GRIK1: variants seen among roughly 807,000 people sequenced by gnomAD.
GRIK1 encodes glutamate receptor ionotropic, kainate 1.
In GRIK1, 69 loss-of-function variants were observed where a neutral mutation model predicts 105.7. The ratio of observed to expected loss-of-function variants is 0.65; its 90% confidence interval spans 0.54 to 0.80. The LOEUF (loss-of-function observed/expected upper bound fraction) is 0.80, where lower values mean the gene tolerates loss of function less well. GRIK1 is among the 30% of genes least tolerant of loss of function. The pLI is 0.00. For synonymous variants in GRIK1, 438 were observed against 431.3 expected, an observed-to-expected ratio of 1.02 and a Z score of -0.19; for missense variants, 1,109 against 1,167.3, an observed-to-expected ratio of 0.95 and a Z score of 0.73.
chr21:29,853,635 C>A (rs1466382465), intron 1 of GRIK1, among the ~76,000 whole-genome samples: 1 of 152,184 alleles, frequency 6.6e-6, no homozygotes, highest in South Asian at 2.1e-4. Flanking sequence ...TAGTCAACTG[C>A]ATATGACTCA....
chr21:29,901,772 G>A (rs1386958117), intron 1 of GRIK1, among the ~76,000 whole-genome samples: 2 of 152,148 alleles, frequency 1.3e-5, no homozygotes, highest in Non-Finnish European at 2.9e-5. Context: ...AGAAAAAAGA[G>A]GGAATCCTCC....
chr21:29,721,784 T>C (rs1315125449), intron 1 of GRIK1, among the ~76,000 whole-genome samples: 1 of 152,110 alleles, frequency 6.6e-6, no homozygotes, highest in East Asian at 1.9e-4. Context: ...AGAAAAACTA[T>C]ACAATGTTTA....
At chr21:29,875,294 A>G (rs1206113535) in intron 1 of GRIK1, among the ~76,000 whole-genome samples, 1 of 152,128 alleles carries the variant, frequency 6.6e-6, no homozygotes, top group Non-Finnish European at 1.5e-5. Flanking sequence ...CTCTTTCTTC[A>G]TTCAGTGAGG....
At chr21:29,828,740 T>C (rs1023842906) in intron 1 of GRIK1, among the ~76,000 whole-genome samples, 3 of 152,098 alleles carry the variant, frequency 2.0e-5, no homozygotes, top group African/African-American at 7.2e-5. Context: ...CTTCAAGCAA[T>C]CCTCTTGCTT....
At chr21:29,623,254 T>G (rs2062048002) in intron 7 of GRIK1, among the ~76,000 whole-genome samples, 1 of 152,120 alleles carries the variant, frequency 6.6e-6, no homozygotes, top group African/African-American at 2.4e-5. Flanking sequence ...TGAGATCTCA[T>G]GAGACTTATT....
chr21:29,660,383 C>T (rs363569), intron 4 of GRIK1, among the ~76,000 whole-genome samples: 7,336 of 152,196 alleles, frequency 0.048, 212 homozygotes, highest in Admixed American at 0.1. Context: ...AGTCATTCTA[C>T]AAAATACAGG....
chr21:29,807,067 T>C (rs1039115147), intron 1 of GRIK1, among the ~76,000 whole-genome samples: 4 of 152,190 alleles, frequency 2.6e-5, no homozygotes, highest in Non-Finnish European at 5.9e-5. Flanking sequence ...TTCCGGCTCT[T>C]GAGGGCATTT....
intron 16 of GRIK1, among the ~76,000 whole-genome samples, chr21:29,540,970 AT>A (rs3054285): frequency 0.15 from 20,577 of 134,436 alleles, 1,795 homozygotes; most frequent in African/African-American, 0.31. Flanking sequence ...CTTGCACTTG[AT>A]TTTTTTTTTT....
intron 1 of GRIK1, among the ~76,000 whole-genome samples, chr21:29,828,410 T>G (rs1352381351): frequency 3.3e-5 from 5 of 152,160 alleles, no homozygotes; most frequent in Non-Finnish European, 7.4e-5. Context: ...TATAAATGAA[T>G]AGAGACTTTC....
At chr21:29,912,016 T>C (rs2146295898) in intron 1 of GRIK1, among the ~76,000 whole-genome samples, 1 of 152,114 alleles carries the variant, frequency 6.6e-6, no homozygotes, top group East Asian at 1.9e-4. Context: ...TGTGATGTCC[T>C]CAGCTAAGAA....
intron 1 of GRIK1, among the ~76,000 whole-genome samples, chr21:29,887,551 T>C (rs1321849053): frequency 6.6e-6 from 1 of 152,192 alleles, no homozygotes; most frequent in Non-Finnish European, 1.5e-5. Context: ...GCTAGACTAC[T>C]GATAACAACA....
At chr21:29,846,370 AAGAG>A (rs1411076629) in intron 1 of GRIK1, among the ~76,000 whole-genome samples, 1 of 151,364 alleles carries the variant, frequency 6.6e-6, no homozygotes, top group Non-Finnish European at 1.5e-5. Flanking sequence ...CTTGGGCAAC[AAGAG>A]AGAAACTCAG....
intron 1 of GRIK1, among the ~76,000 whole-genome samples, chr21:29,795,197 G>A (rs371116769): frequency 1.3e-5 from 2 of 151,416 alleles, no homozygotes; most frequent in Non-Finnish European, 1.5e-5. Flanking sequence ...CACCACGCCC[G>A]GCTAATTTTT....
Position 29,939,575 on chromosome 21 carries a change from G to A in GRIK1, c.-75C>T. ...GAGAGATGCACCCAACTTGGGCCGG[G>A]TCCCCGCCTCATCCTCTCTGGATGC... On this transcript the variant is annotated 5_prime_UTR_variant, in exon 1 of 18. Transcript: ENST00000327783. 1 of 882,016 alleles carries A rather than the reference G, an allele frequency of 1.1e-6. No individual in the cohort carries two copies. 54.6% of individuals were successfully genotyped at this position (882,016 alleles called of 1,614,324 possible). A position where few individuals can be genotyped will look rare whatever the true frequency, so the allele number is the denominator to read the frequency against.
chr21:29,631,570 A>T (rs972305505), intron 7 of GRIK1, among the ~76,000 whole-genome samples: 4 of 152,208 alleles, frequency 2.6e-5, no homozygotes, highest in Admixed American at 2.6e-4. Flanking sequence ...TTGTTATAGC[A>T]GCCCAAGCTA....
intron 13 of GRIK1, among the ~76,000 whole-genome samples, chr21:29,578,951 T>C (rs1419059397): frequency 1.3e-5 from 2 of 152,212 alleles, no homozygotes; most frequent in African/African-American, 4.8e-5. Flanking sequence ...TGGGTGCAGA[T>C]TTTCTGCTGT....
chr21:29,809,989 A>G (rs990238219), intron 1 of GRIK1, among the ~76,000 whole-genome samples: 2 of 152,116 alleles, frequency 1.3e-5, no homozygotes, highest in African/African-American at 2.4e-5. Flanking sequence ...AACAATTACA[A>G]CAGTAACATC....
Position 29,537,095 on chromosome 21 carries a change from A to G in GRIK1, c.*135T>C. On this transcript the variant is annotated 3_prime_UTR_variant, in exon 18 of 18. Transcript: ENST00000327783. The stretch of plus-strand genomic sequence containing the variant: ...CTATGTGAGCTTTTTAAACTTTTGT[A>G]TTTCTTATATCTGTATTCATAATCA... 2.1e-6 allele frequency: 1 copy of G among 471,390 alleles called. No homozygotes were observed. The highest frequency in any genetic ancestry group is 3.5e-5 in the East Asian group (1 of 28,448). 29.2% of individuals were successfully genotyped at this position (471,390 alleles called of 1,614,324 possible).
At chr21:29,564,133 T>G (rs563460903) in intron 14 of GRIK1, among the ~76,000 whole-genome samples, 1 of 152,338 alleles carries the variant, frequency 6.6e-6, no homozygotes, top group Non-Finnish European at 1.5e-5. Flanking sequence ...ATTAAATTTT[T>G]TCACCACATT....
Sources: allele counts gnomAD v4.1 joint callset (sites outside exome capture counted in the v4.1 genomes callset), GRCh38; gene constraint gnomAD v4.1.1; transcripts MANE v1.5; gene names NCBI Gene and HGNC (gene_info 2026-07-23, HGNC 2026-07-21).